The following CECR2 variants were observed in gnomAD, a reference collection of about 807,000 sequenced individuals.
The protein encoded by CECR2 is chromatin remodeling regulator CECR2.
A neutral mutation model predicts 154.5 loss-of-function variants in CECR2; 30 were observed. The ratio of observed to expected loss-of-function variants is 0.19; its 90% CI spans 0.15 to 0.26. The LOEUF (loss-of-function observed/expected upper bound fraction) is 0.26. Ranked by LOEUF, CECR2 falls within the 10% of genes least tolerant of loss-of-function variation. The pLI, the probability that CECR2 is intolerant of heterozygous loss-of-function variation, is 1.00. For synonymous variants in CECR2, 725 were observed against 683.7 expected (o/e 1.06, Z -0.94); for missense variants, 1,743 against 1,829.3 (o/e 0.95, Z 0.86).
rs78288175 is a variant in CECR2, at chr22:17,429,583, C to G, written c.127-48005C>G. 2.7e-3 allele frequency among the ~76,000 whole-genome samples: 405 copies of G among 150,226 alleles called. 2 individuals are homozygous for G. The highest frequency in any genetic ancestry group is 0.01 in the Middle Eastern group (3 of 286). On this transcript the variant is annotated intron_variant, in intron 1 of 18. Coordinates refer to ENST00000262608, the MANE Select transcript of CECR2 (RefSeq NM_001290047.2). ...AAAGAAAAGAAAAGAAAAAAGAGAT[C>G]TCACAGGACAGCATCTCTGGATTAG...
intron 1 of CECR2, among the ~76,000 whole-genome samples, chr22:17,392,625 T>C (rs543750104): frequency 1.3e-3 from 197 of 151,964 alleles, no homozygotes; most frequent in African/African-American, 3.8e-3. Context: ...GAGGTTGCAG[T>C]GAGCCGAAAT....
chr22:17,414,382 G>T lies in CECR2; in HGVS notation c.126+44473G>T, dbSNP rs142643513. The stretch of plus-strand genomic sequence containing the variant: ...TTACTGATTGTGAATTCCCTAAGTT[G>T]GCAAATTATATACCTAAAAAGTTAG... On this transcript the variant is annotated intron_variant, in intron 1 of 18. Coordinates refer to ENST00000262608, the MANE Select transcript of CECR2 (RefSeq NM_001290047.2). Among the ~76,000 whole-genome samples the T allele has an allele frequency of 2.9e-4, 44 of 151,450 alleles. No homozygotes were observed. The East Asian group carries it at 8.5e-3, about 29-fold the overall frequency.
intron 1 of CECR2, among the ~76,000 whole-genome samples, chr22:17,403,439 A>G (rs774237674): frequency 2.3e-4 from 35 of 152,218 alleles, no homozygotes; most frequent in Admixed American, 1.3e-4. Context: ...ACTTAGTAGT[A>G]GAATTGGAGT....
intron 2 of CECR2, among the ~76,000 whole-genome samples, chr22:17,491,953 GA>G (rs1356436423): frequency 6.6e-6 from 1 of 152,100 alleles, no homozygotes; most frequent in African/African-American, 2.4e-5. Context: ...TAGTATGTGG[GA>G]TATAGTAGCT....
Position 17,552,774 on chromosome 22 carries a change from G to GTTTTGTT in CECR2, c.4390-57_4390-56insGTTTTTT, listed in dbSNP as rs1555944494. The GTTTTGTT allele has an allele frequency of 7.3e-5, 69 of 943,722 alleles. 1 individual carries two copies. Among genetic ancestry groups the GTTTTGTT allele is most frequent in the Non-Finnish European group, 9.7e-5 (66 of 677,144 alleles). The allele number at this position is 943,722 out of a possible 1,614,324, so 58.5% of individuals were successfully genotyped here. On this transcript the variant is annotated intron_variant, in intron 18 of 18. Transcript: ENST00000262608. The stretch of plus-strand genomic sequence containing the variant: ...CTTGGACATTCTTTGGCTTACTTAA[G>GTTTTGTT]TTTTTTTTTTTTTAACAACCCAATT...
chr22:17,540,862 A>AGG, intron 14 of CECR2, 62 bp downstream of exon 14: 1 of 1,466,516 alleles, frequency 6.8e-7, no homozygotes, highest in Non-Finnish European at 9.0e-7. Flanking sequence ...AGTAATGTAG[A>AGG]GGCCATTCAG....
At chr22:17,551,932 G>A in intron 17 of CECR2, 99 bp from the exon 18 acceptor site, 1 of 1,090,016 alleles carries the variant, frequency 9.2e-7, no homozygotes, top group Non-Finnish European at 1.4e-6. Flanking sequence ...CTGATCACCG[G>A]GGTGATGAAG....
intron 17 of CECR2, among the ~76,000 whole-genome samples, chr22:17,550,713 C>T (rs1326944564): frequency 1.3e-5 from 2 of 152,126 alleles, no homozygotes; most frequent in African/African-American, 2.4e-5. Context: ...GAGGCCGAGG[C>T]GGGCAGATCA....
intron 1 of CECR2, among the ~76,000 whole-genome samples, chr22:17,453,672 G>A (rs540710737): frequency 4.0e-4 from 61 of 152,166 alleles, no homozygotes; most frequent in African/African-American, 1.3e-3. Context: ...AACATGACTG[G>A]CACAAGAATT....
chr22:17,394,581 G>A (rs2053780362), intron 1 of CECR2, among the ~76,000 whole-genome samples: 1 of 152,134 alleles, frequency 6.6e-6, no homozygotes, highest in Non-Finnish European at 1.5e-5. Context: ...GCTGTCTTGT[G>A]AGTTTTGAAA....
intron 1 of CECR2, among the ~76,000 whole-genome samples, chr22:17,385,613 A>T (rs1042472458): frequency 2.0e-5 from 3 of 152,228 alleles, no homozygotes; most frequent in Non-Finnish European, 4.4e-5. Context: ...AACATAACAG[A>T]TTTAATAATA....
rs2056551234 is a variant in CECR2 at position 17,542,852 on chromosome 22, C to T, written c.2709C>T (p.His903=). Residue 903 remains histidine (H), a synonymous_variant, in exon 16 of 19, where the codon CAC becomes CAT. Coordinates refer to ENST00000262608, the MANE Select transcript of CECR2 (RefSeq NM_001290047.2). ...SRVCPPGVPY[H]PHQPAHPRLP... ...TCTGCCCCCCAGGTGTGCCTTACCA[C>T]CCCCACCAGCCTGCACACCCCCGTT... 2 of 1,613,070 alleles carry T rather than the reference C, an allele frequency of 1.2e-6. No homozygotes were observed. Among genetic ancestry groups the T allele is most frequent in the Non-Finnish European group, 1.7e-6 (2 of 1,179,148 alleles).
chr22:17,418,277 T>C (rs951144473), intron 1 of CECR2, among the ~76,000 whole-genome samples: 1 of 152,234 alleles, frequency 6.6e-6, no homozygotes, highest in East Asian at 1.9e-4. Flanking sequence ...GCCGTTTTAC[T>C]TGTCCTTCCC....
In CECR2 at chr22:17,504,270, G is replaced by C. The variant is rs191048895; in HGVS notation, c.701-577G>C. Among the ~76,000 whole-genome samples, 634 of 151,780 alleles carry C rather than the reference G, an allele frequency of 4.2e-3. 6 individuals are homozygous for C. Among genetic ancestry groups the C allele is most frequent in the African/African-American group, 0.015 (606 of 41,444 alleles). ...CACCTGTAGTCCCAGCTACTTGGGG[G>C]GTGCTGAGATGGGAAGATGGCTTGA... is the stretch of plus-strand genomic sequence containing the variant. On this transcript the variant is annotated intron_variant, in intron 6 of 18. Coordinates refer to ENST00000262608, the MANE Select transcript of CECR2 (RefSeq NM_001290047.2).
chr22:17,480,702 C>T (rs2055294506), intron 2 of CECR2, among the ~76,000 whole-genome samples: 1 of 152,106 alleles, frequency 6.6e-6, no homozygotes, highest in Non-Finnish European at 1.5e-5. Context: ...AAATGTTTAC[C>T]TGTTATGCCT....
chr22:17,496,493 C>CT lies in CECR2; in HGVS notation c.222-909dup, dbSNP rs1449114198. ...CCAGCCTGGGTGACAGAGCGAGACT[C>CT]TGTCTCAAAAAAAAAAAGAAAGAAA... On this transcript the variant is annotated intron_variant, in intron 2 of 18. Coordinates refer to ENST00000262608, the MANE Select transcript of CECR2 (RefSeq NM_001290047.2). Among the ~76,000 whole-genome samples the CT allele has an allele frequency of 2.7e-5, 4 of 149,866 alleles. No individual in the cohort carries two copies. The East Asian group carries it at 7.8e-4, about 29-fold the overall frequency.
At chr22:17,372,616 C>T (rs1335149486) in intron 1 of CECR2, among the ~76,000 whole-genome samples, 2 of 151,994 alleles carry the variant, frequency 1.3e-5, no homozygotes, top group Non-Finnish European at 2.9e-5. Flanking sequence ...GGCAGCGAGC[C>T]GAGATCGTGC....
At chr22:17,468,918 C>T (rs1393128404) in intron 1 of CECR2, among the ~76,000 whole-genome samples, 4 of 151,848 alleles carry the variant, frequency 2.6e-5, no homozygotes, top group East Asian at 3.9e-4. Flanking sequence ...CATCCCATGG[C>T]GGGAGGCAGG....
At chr22:17,431,776 T>TCACAGA (rs6147545) in intron 1 of CECR2, among the ~76,000 whole-genome samples, 2 of 152,212 alleles carry the variant, frequency 1.3e-5, no homozygotes, top group African/African-American at 2.4e-5. Flanking sequence ...TCGTATTTTT[T>TCACAGA]TTTTGGGAGG....
Sources: allele counts gnomAD v4.1 joint callset (sites outside exome capture counted in the v4.1 genomes callset), GRCh38; gene constraint gnomAD v4.1.1; transcripts MANE v1.5; gene names NCBI Gene and HGNC (gene_info 2026-07-23, HGNC 2026-07-21).